Variants in GBF1 observed in about 807,000 individuals in gnomAD.
The protein encoded by GBF1 is Golgi-specific brefeldin A-resistance guanine nucleotide exchange factor 1.
GBF1 carries 114 observed loss-of-function variants against 210.5 expected under a neutral mutation model. The ratio of observed to expected loss-of-function variants is 0.54; its 90% CI spans 0.47 to 0.63. The LOEUF is 0.63. GBF1 is among the 30% of genes least tolerant of loss of function. GBF1 has a pLI of 0.00. For synonymous variants in GBF1, 850 were observed against 889.2 expected (o/e 0.96, Z 0.78); for missense variants, 1,851 against 2,357.7 (o/e 0.79, Z 4.45).
rs869198412 is a variant in GBF1, at chr10:102,331,851, A to ATTTTTTTTTTTTTTTTTTTT, written c.164-12193_164-12174dup. On this transcript the variant is annotated intron_variant, in intron 3 of 39. Coordinates refer to ENST00000369983, the MANE Select transcript of GBF1 (RefSeq NM_001377137.1). Reference sequence around the variant, plus strand: ...AGGCGCACGCCACCATACCTGGCTAATTTTTTTTTTTTTTTTTTTTTTTTT... The same window carrying ATTTTTTTTTTTTTTTTTTTT: ...AGGCGCACGCCACCATACCTGGCTAATTTTTTTTTTTTTTTTTTTTTTTTTTTTTTTTTTTTTTTTTTTTT... Among the ~76,000 whole-genome samples the ATTTTTTTTTTTTTTTTTTTT allele has an allele frequency of 4.0e-4, 34 of 85,340 alleles. 1 individual carries two copies. Among genetic ancestry groups the ATTTTTTTTTTTTTTTTTTTT allele is most frequent in the African/African-American group, 1.6e-3 (32 of 20,386 alleles). The allele number at this position is 85,340 out of a possible 152,430, so 56.0% of individuals were successfully genotyped here. A position where few individuals can be genotyped will look rare whatever the true frequency, so the allele number is the denominator to read the frequency against.
At chr10:102,265,058 A>C (rs1179092571) in intron 3 of GBF1, among the ~76,000 whole-genome samples, 2 of 152,240 alleles carry the variant, frequency 1.3e-5, no homozygotes, top group Non-Finnish European at 2.9e-5. Flanking sequence ...ATGGAAGGGA[A>C]AGTGAAATAT....
chr10:102,302,155 C>G (rs1455552016), intron 3 of GBF1, among the ~76,000 whole-genome samples: 1 of 152,182 alleles, frequency 6.6e-6, no homozygotes, highest in African/African-American at 2.4e-5. Flanking sequence ...ATCCCAGGCA[C>G]TTGGCAGGCT....
chr10:102,303,236 C>T (rs900764079), intron 3 of GBF1, among the ~76,000 whole-genome samples: 4 of 152,288 alleles, frequency 2.6e-5, no homozygotes, highest in African/African-American at 9.6e-5. Context: ...GATCCACCCA[C>T]CTCGGCCTCC....
At chr10:102,372,671 A>G (rs192676050) in intron 29 of GBF1, among the ~76,000 whole-genome samples, 1 of 152,354 alleles carries the variant, frequency 6.6e-6, no homozygotes, top group African/African-American at 2.4e-5. Flanking sequence ...AATTCAGTGG[A>G]GGAGGAATAG....
chr10:102,262,876 G>T (rs1229054799), intron 3 of GBF1, among the ~76,000 whole-genome samples: 2 of 152,156 alleles, frequency 1.3e-5, no homozygotes, highest in African/African-American at 4.8e-5. Context: ...ACCAGAGTGT[G>T]TTCAGGAGCC....
chr10:102,274,141 T>C (rs1055065658), intron 3 of GBF1, among the ~76,000 whole-genome samples: 1 of 152,188 alleles, frequency 6.6e-6, no homozygotes. Context: ...CCTGTTCTCA[T>C]AGTTTATGGT....
chr10:102,262,341 A>AT (rs563228770), intron 3 of GBF1, among the ~76,000 whole-genome samples: 57 of 148,878 alleles, frequency 3.8e-4, no homozygotes, highest in East Asian at 5.8e-4. Flanking sequence ...ACTTGCACAG[A>AT]TTTTTTTTTT....
the GBF1 span, chr10:102,231,775 G>A: frequency 4.4e-6 from 7 of 1,603,778 alleles, no homozygotes; most frequent in Admixed American, 1.7e-5. Context: ...CAGCGAAGCC[G>A]AGGCCTTTTC....
chr10:102,348,474 G>GCTACTATT (rs1182890645), intron 4 of GBF1, among the ~76,000 whole-genome samples: 4 of 152,238 alleles, frequency 2.6e-5, no homozygotes, highest in African/African-American at 9.6e-5. Context: ...TGGGAACAAG[G>GCTACTATT]CTACTATTCA....
chr10:102,381,820 C>CGT (rs2060867286), intron 39 of GBF1, among the ~76,000 whole-genome samples: 2 of 79,378 alleles, frequency 2.5e-5, no homozygotes, highest in African/African-American at 9.9e-5. Flanking sequence ...GAGACCCTGT[C>CGT]GCGAAAAAAA....
intron 14 of GBF1, 59 bp downstream of exon 14, chr10:102,361,971 G>C (rs970240982): frequency 5.1e-6 from 5 of 972,852 alleles, no homozygotes; most frequent in Non-Finnish European, 7.5e-6. Flanking sequence ...AATCTCCCTG[G>C]TGGTAGTGAG....
chr10:102,296,185 CA>C (rs759285355), intron 3 of GBF1, among the ~76,000 whole-genome samples: 2 of 152,250 alleles, frequency 1.3e-5, no homozygotes, highest in Admixed American at 6.5e-5. Context: ...CATAGCTTAT[CA>C]GGGGGAAAGC....
chr10:102,263,594 A>T (rs1386164995), intron 3 of GBF1, among the ~76,000 whole-genome samples: 1 of 152,130 alleles, frequency 6.6e-6, no homozygotes, highest in East Asian at 1.9e-4. Context: ...ATGTATAAGT[A>T]CTACCTACAC....
chr10:102,376,530 G>C, intron 31 of GBF1, 30 bp from the exon 32 acceptor site: 5 of 1,613,336 alleles, frequency 3.1e-6, no homozygotes, highest in East Asian at 2.2e-5. Flanking sequence ...GGCCAAGCCT[G>C]TGTCCCCAGC....
intron 20 of GBF1, 102 bp downstream of exon 20, chr10:102,367,312 C>A: frequency 7.3e-7 from 1 of 1,360,704 alleles, no homozygotes; most frequent in Non-Finnish European, 1.0e-6. Context: ...GGGGTTCTGT[C>A]CAAGGGAATC....
At chr10:102,293,645 G>A (rs1471029488) in intron 3 of GBF1, among the ~76,000 whole-genome samples, 2 of 151,888 alleles carry the variant, frequency 1.3e-5, no homozygotes, top group East Asian at 1.9e-4. Flanking sequence ...AGGCCAATGT[G>A]AGTGTTTGTG....
chr10:102,303,482 C>T (rs935665724), intron 3 of GBF1, among the ~76,000 whole-genome samples: 1 of 152,194 alleles, frequency 6.6e-6, no homozygotes, highest in African/African-American at 2.4e-5. Context: ...TAGAAAAAGC[C>T]TTACACAGCC....
rs375772705 is a variant in GBF1 at position 102,368,948 on chromosome 10, C to T, written c.2973+116C>T. On this transcript the variant is annotated intron_variant, in intron 23 of 39. Transcript: ENST00000369983. Reference sequence around the variant, plus strand: ...CCTCAGCGTCTTCCCTCACTGCCCCCACTTGAATATACCAGAGCTTAGGCC... The same window carrying T: ...CCTCAGCGTCTTCCCTCACTGCCCCTACTTGAATATACCAGAGCTTAGGCC... 4 of 713,296 alleles carry T rather than the reference C, an allele frequency of 5.6e-6. No individual in the cohort carries two copies. The African/African-American group carries it at 7.0e-5, about 12-fold the overall frequency. 44.2% of individuals were successfully genotyped at this position (713,296 alleles called of 1,614,324 possible). A position where few individuals can be genotyped will look rare whatever the true frequency, so the allele number is the denominator to read the frequency against.
intron 3 of GBF1, among the ~76,000 whole-genome samples, chr10:102,301,181 C>T (rs923706121): frequency 4.6e-5 from 7 of 151,968 alleles, no homozygotes; most frequent in African/African-American, 1.7e-4. Flanking sequence ...GTGGTGATGA[C>T]TCTTAATGAG....
Sources: allele counts gnomAD v4.1 joint callset (sites outside exome capture counted in the v4.1 genomes callset), GRCh38; gene constraint gnomAD v4.1.1; transcripts MANE v1.5; gene names NCBI Gene and HGNC (gene_info 2026-07-23, HGNC 2026-07-21).